Variants in CADPS2 observed in about 807,000 individuals in gnomAD.
CADPS2 encodes calcium-dependent secretion activator 2.
CADPS2 carries 93 observed loss-of-function variants against 172.5 expected under a neutral mutation model. That is an observed-to-expected ratio of 0.54 (90% CI 0.46 to 0.64). The LOEUF (loss-of-function observed/expected upper bound fraction) is 0.64, where lower values mean the gene tolerates loss of function less well. CADPS2 is among the 30% of genes least tolerant of loss of function. CADPS2 has a pLI of 0.00. For synonymous variants in CADPS2, 546 were observed against 555.2 expected, an observed-to-expected ratio of 0.98 and a Z score of 0.23; for missense variants, 1,420 against 1,565.9, an observed-to-expected ratio of 0.91 and a Z score of 1.57.
At chr7:122,418,460 T>C (rs1180983469) in intron 17 of CADPS2, among the ~76,000 whole-genome samples, 2 of 152,202 alleles carry the variant, frequency 1.3e-5, no homozygotes. Context: ...ACTAGATGAC[T>C]ATATCCTATG....
intron 17 of CADPS2, among the ~76,000 whole-genome samples, chr7:122,436,701 G>A (rs549297000): frequency 6.6e-6 from 1 of 151,940 alleles, no homozygotes; most frequent in Non-Finnish European, 1.5e-5. Flanking sequence ...AGAGATAAGA[G>A]AGAAGTGACT....
chr7:122,673,907 C>T (rs1457293340), intron 2 of CADPS2, among the ~76,000 whole-genome samples: 2 of 4,468 alleles, frequency 4.5e-4, no homozygotes, highest in Non-Finnish European at 8.0e-4. Flanking sequence ...GAGCCCACGG[C>T]GGGGGGTGGG....
At chr7:122,864,402 C>T (rs1817759445) in intron 1 of CADPS2, among the ~76,000 whole-genome samples, 1 of 152,092 alleles carries the variant, frequency 6.6e-6, no homozygotes, top group African/African-American at 2.4e-5. Context: ...ATTGTTTGAG[C>T]CCAGGAGGTC....
chr7:122,404,201 T>G (rs2046334315), intron 20 of CADPS2, among the ~76,000 whole-genome samples: 1 of 152,074 alleles, frequency 6.6e-6, no homozygotes, highest in Non-Finnish European at 1.5e-5. Flanking sequence ...GTTCATGTGT[T>G]CTCATTGTTC....
chr7:122,469,216 C>G (rs1586350468), intron 14 of CADPS2, among the ~76,000 whole-genome samples: 1 of 152,172 alleles, frequency 6.6e-6, no homozygotes. Context: ...TATAATGAGT[C>G]TCAAACACAT....
At chr7:122,542,374 A>G (rs1405908521) in intron 8 of CADPS2, among the ~76,000 whole-genome samples, 1 of 152,176 alleles carries the variant, frequency 6.6e-6, no homozygotes, top group Non-Finnish European at 1.5e-5. Context: ...TCGTTCTCTC[A>G]GATATGATAG....
chr7:122,358,264 A>C (rs920414684), intron 27 of CADPS2, among the ~76,000 whole-genome samples: 7 of 152,114 alleles, frequency 4.6e-5, no homozygotes, highest in African/African-American at 1.7e-4. Flanking sequence ...GTATCTGCAT[A>C]TCTTTCTTGT....
chr7:122,579,542 A>C (rs2068529637), intron 7 of CADPS2, among the ~76,000 whole-genome samples: 1 of 150,314 alleles, frequency 6.7e-6, no homozygotes, highest in African/African-American at 2.4e-5. Context: ...TGATAAACAA[A>C]TTAAAAATAG....
chr7:122,403,098 C>A (rs181992999), intron 20 of CADPS2, among the ~76,000 whole-genome samples: 3 of 152,296 alleles, frequency 2.0e-5, no homozygotes, highest in Admixed American at 2.0e-4. Flanking sequence ...CTAAATAACT[C>A]AGTATCTAAG....
intron 9 of CADPS2, among the ~76,000 whole-genome samples, chr7:122,505,036 A>T (rs1447573465): frequency 6.6e-6 from 1 of 152,212 alleles, no homozygotes; most frequent in Non-Finnish European, 1.5e-5. Context: ...CATTATCTTA[A>T]TTATACATTA....
intron 3 of CADPS2, among the ~76,000 whole-genome samples, chr7:122,662,752 A>AC (rs1299471127): frequency 6.6e-6 from 1 of 152,208 alleles, no homozygotes; most frequent in Non-Finnish European, 1.5e-5. Context: ...TCTTTAAATT[A>AC]CATAGTTCAA....
chr7:122,807,756 C>T (rs1018746574), intron 1 of CADPS2, among the ~76,000 whole-genome samples: 1 of 152,098 alleles, frequency 6.6e-6, no homozygotes, highest in African/African-American at 2.4e-5. Context: ...TCTGTGTGCA[C>T]ATACAATCTT....
chr7:122,426,160 A>T (rs1270069236), intron 17 of CADPS2: 1 of 152,200 alleles, frequency 6.6e-6, no homozygotes, highest in Non-Finnish European at 1.5e-5. Context: ...ATTTGAAAAG[A>T]TTTGCAGCCT....
chr7:122,873,663 T>A (rs897607844), intron 1 of CADPS2, among the ~76,000 whole-genome samples: 1 of 152,198 alleles, frequency 6.6e-6, no homozygotes, highest in Non-Finnish European at 1.5e-5. Flanking sequence ...TATAATGATT[T>A]ATAATCCTTT....
At chr7:122,536,602 A>G (rs978677370) in intron 8 of CADPS2, among the ~76,000 whole-genome samples, 3 of 152,112 alleles carry the variant, frequency 2.0e-5, no homozygotes, top group African/African-American at 7.2e-5. Context: ...GCGAGAGACC[A>G]TTTACTGATG....
At chr7:122,428,587 C>G (rs1228612322) in intron 17 of CADPS2, among the ~76,000 whole-genome samples, 1 of 151,716 alleles carries the variant, frequency 6.6e-6, no homozygotes. Context: ...CCTGCTTCAG[C>G]CTCCCGAGTA....
At chr7:122,865,133 AG>A (rs1817964911) in intron 1 of CADPS2, among the ~76,000 whole-genome samples, 1 of 151,998 alleles carries the variant, frequency 6.6e-6, no homozygotes, top group Non-Finnish European at 1.5e-5. Context: ...TGTTAAAATG[AG>A]TCTGGCATCT....
chr7:122,481,100 T>C (rs1456330839), intron 11 of CADPS2, among the ~76,000 whole-genome samples: 1 of 151,970 alleles, frequency 6.6e-6, no homozygotes, highest in South Asian at 2.1e-4. Context: ...TCATGGCATT[T>C]CTCTGATAGT....
intron 2 of CADPS2, among the ~76,000 whole-genome samples, chr7:122,665,509 A>C (rs915303932): frequency 6.6e-6 from 1 of 152,188 alleles, no homozygotes; most frequent in Non-Finnish European, 1.5e-5. Context: ...ATATCATGTC[A>C]AAAATGCATT....
Sources: gnomAD v4.1 joint callset for allele counts (sites outside exome capture counted in the v4.1 genomes callset) on GRCh38, gnomAD v4.1.1 for gene constraint, MANE v1.5 for transcripts, NCBI Gene and HGNC (gene_info 2026-07-23, HGNC 2026-07-21) for gene names.